The following VAT1L variants were observed in gnomAD, a reference collection of about 807,000 sequenced individuals.
The protein encoded by VAT1L is vesicle amine transport 1 like.
In VAT1L, 34 loss-of-function variants were observed where a neutral mutation model predicts 44.1. The observed-to-expected ratio is 0.77, with a 90% CI of 0.59 to 1.03. VAT1L has a LOEUF of 1.03. VAT1L is among the 50% of genes least tolerant of loss of function. The pLI is 0.00. For synonymous variants in VAT1L, 253 were observed against 202.2 expected, an observed-to-expected ratio of 1.25 and a Z score of -2.13; for missense variants, 615 against 538.8, an observed-to-expected ratio of 1.14 and a Z score of -1.40.
At chr16:77,909,312 T>G (rs1224581226) in intron 7 of VAT1L, among the ~76,000 whole-genome samples, 1 of 149,028 alleles carries the variant, frequency 6.7e-6, no homozygotes, top group Admixed American at 7.2e-5. Context: ...TCCTCTGCAC[T>G]TCTTTTCCTT....
chr16:77,909,865 C>T (rs1482362906), intron 7 of VAT1L, among the ~76,000 whole-genome samples: 1 of 152,124 alleles, frequency 6.6e-6, no homozygotes, highest in Non-Finnish European at 1.5e-5. Context: ...TGCATACATT[C>T]CTGCCCTTCA....
rs1309272720 is a variant in VAT1L at position 77,920,606 on chromosome 16, AATGAC to A, written c.1077+35807_1077+35811del. 9.8e-5 allele frequency among the ~76,000 whole-genome samples: 15 copies of A among 152,296 alleles called. No individual in the cohort carries two copies. In the South Asian group the frequency reaches 2.3e-3, roughly 23 times the overall value. Reference sequence around the variant, plus strand: ...GTGTGGATATAGTCATGCTCTGTATAATGACATTTCAGTCCACAGACGTTTGCTTA... The same window carrying A: ...GTGTGGATATAGTCATGCTCTGTATAATTTCAGTCCACAGACGTTTGCTTA... On this transcript the variant is annotated intron_variant, in intron 7 of 8. Transcript: ENST00000302536.
chr16:77,889,952 G>A (rs1450816565), intron 7 of VAT1L, among the ~76,000 whole-genome samples: 1 of 152,042 alleles, frequency 6.6e-6, no homozygotes, highest in East Asian at 1.9e-4. Context: ...GCCAGGCATG[G>A]TGGCAACGCC....
In VAT1L at chr16:77,970,489, A is replaced by G. The variant is rs367657206; in HGVS notation, c.1078-1361A>G. On this transcript the variant is annotated intron_variant, in intron 7 of 8. Coordinates refer to ENST00000302536, the MANE Select transcript of VAT1L (RefSeq NM_020927.3). ...GTCAGTTCTCATTTAGCAATATTAC[A>G]ACATTTAATTCTGCTATGTAGTCTT... 5.6e-4 allele frequency among the ~76,000 whole-genome samples: 86 copies of G among 152,350 alleles called. 1 individual carries two copies. The highest frequency in any genetic ancestry group is 2.0e-3 in the African/African-American group (82 of 41,586).
At chr16:77,959,601 T>C (rs59478517) in intron 7 of VAT1L, among the ~76,000 whole-genome samples, 13,466 of 152,276 alleles carry the variant, frequency 0.088, 692 homozygotes, top group African/African-American at 0.13. Flanking sequence ...TACACGGATA[T>C]GCTTATTATC....
Position 77,862,891 on chromosome 16 carries a change from G to A in VAT1L, c.722+1G>A, listed in dbSNP as rs371430712. The stretch of plus-strand genomic sequence containing the variant: ...CAGACTACGTGCAAGAAGTTAAAAG[G>A]TAAGATGTTTGCTTTTGAAAAAGCA... On this transcript the variant is annotated splice_donor_variant, in intron 4 of 8. Coordinates refer to ENST00000302536, the MANE Select transcript of VAT1L (RefSeq NM_020927.3). LOFTEE classifies it high-confidence loss of function. 11 of 1,613,800 alleles carry A rather than the reference G, an allele frequency of 6.8e-6. No individual in the cohort carries two copies. The highest frequency in any genetic ancestry group is 8.5e-6 in the Non-Finnish European group (10 of 1,179,860).
Position 77,943,077 on chromosome 16 carries a change from G to A in VAT1L, c.1078-28773G>A, listed in dbSNP as rs2017909954. Among the ~76,000 whole-genome samples the A allele has an allele frequency of 1.4e-5, 2 of 147,720 alleles. 1 individual carries two copies. Among genetic ancestry groups the A allele is most frequent in the South Asian group, 4.3e-4 (2 of 4,652 alleles). ...TATTCTTTTTTGTTTGTTTTTTTGA[G>A]ATGGAGTCTGCCTCTGTCGCCCAGG... On this transcript the variant is annotated intron_variant, in intron 7 of 8. Transcript: ENST00000302536.
At chr16:77,911,778 CCAGGGAGTGGGGT>C (rs2017502170) in intron 7 of VAT1L, among the ~76,000 whole-genome samples, 1 of 152,114 alleles carries the variant, frequency 6.6e-6, no homozygotes, top group Non-Finnish European at 1.5e-5. Flanking sequence ...AAGGGACTCC[CCAGGGAGTGGGGT>C]CAGCTGTCCT....
At chr16:77,813,507 G>T (rs1232640283) in intron 1 of VAT1L, among the ~76,000 whole-genome samples, 1 of 152,184 alleles carries the variant, frequency 6.6e-6, no homozygotes, top group Non-Finnish European at 1.5e-5. Context: ...ACCTCTCCAA[G>T]CCCAGAGACT....
chr16:77,972,872 G>C (rs1371995528), intron 8 of VAT1L, among the ~76,000 whole-genome samples: 1 of 151,612 alleles, frequency 6.6e-6, no homozygotes, highest in Non-Finnish European at 1.5e-5. Flanking sequence ...TATTTTTAGA[G>C]ACAGAATCTC....
chr16:77,790,139 G>A (rs891489064), intron 1 of VAT1L, among the ~76,000 whole-genome samples: 18 of 152,130 alleles, frequency 1.2e-4, no homozygotes, highest in Admixed American at 2.0e-4. Context: ...ACCACCTTGA[G>A]AACAGACGCA....
intron 1 of VAT1L, among the ~76,000 whole-genome samples, chr16:77,791,719 T>C (rs16946496): frequency 0.19 from 28,995 of 152,192 alleles, 3,257 homozygotes; most frequent in African/African-American, 0.3. Context: ...CTTTGCTCTT[T>C]TTGTGTCTGG....
At chr16:77,933,236 G>A (rs1318139280) in intron 7 of VAT1L, among the ~76,000 whole-genome samples, 3 of 152,072 alleles carry the variant, frequency 2.0e-5, no homozygotes, top group East Asian at 3.9e-4. Context: ...TCCCATTGTC[G>A]CCTAAGAAAA....
At chr16:77,869,039 C>G (rs2017003708) in intron 4 of VAT1L, among the ~76,000 whole-genome samples, 1 of 151,928 alleles carries the variant, frequency 6.6e-6, no homozygotes, top group African/African-American at 2.4e-5. Context: ...CAGTTAAGCA[C>G]TGTTCAGAAA....
In VAT1L at chr16:77,941,897, T is replaced by G. The variant is rs182240675; in HGVS notation, c.1078-29953T>G. Among the ~76,000 whole-genome samples, 353 of 152,286 alleles carry G rather than the reference T, an allele frequency of 2.3e-3. 1 individual carries two copies. The highest frequency in any genetic ancestry group is 8.2e-3 in the African/African-American group (342 of 41,564). ...AACCACCACACCCAGCCTGCCACAC[T>G]GCTTTGCACAATGGTTGAGCTAATT... On this transcript the variant is annotated intron_variant, in intron 7 of 8. Coordinates refer to ENST00000302536, the MANE Select transcript of VAT1L (RefSeq NM_020927.3).
At chr16:77,923,694 G>T (rs900318138) in intron 7 of VAT1L, among the ~76,000 whole-genome samples, 6 of 152,158 alleles carry the variant, frequency 3.9e-5, no homozygotes, top group Admixed American at 6.5e-5. Flanking sequence ...ATGGACAAAG[G>T]CTTCTCCCAA....
At chr16:77,806,366 C>G (rs1028088130) in intron 1 of VAT1L, among the ~76,000 whole-genome samples, 1 of 152,134 alleles carries the variant, frequency 6.6e-6, no homozygotes, top group Admixed American at 6.5e-5. Context: ...CCCACCACCA[C>G]GCCCGGCCAA....
At chr16:77,937,506 G>A (rs1472146221) in intron 7 of VAT1L, among the ~76,000 whole-genome samples, 2 of 152,186 alleles carry the variant, frequency 1.3e-5, no homozygotes, top group Admixed American at 6.5e-5. Context: ...CTCCCTTTGT[G>A]GCCGAGCTGT....
chr16:77,871,812 C>A (rs1350924068), intron 4 of VAT1L, among the ~76,000 whole-genome samples: 1 of 152,144 alleles, frequency 6.6e-6, no homozygotes, highest in Non-Finnish European at 1.5e-5. Context: ...GTGGCACACT[C>A]TCTTTGGAAG....
Sources: gnomAD v4.1 joint callset for allele counts (sites outside exome capture counted in the v4.1 genomes callset) on GRCh38, gnomAD v4.1.1 for gene constraint, MANE v1.5 for transcripts, NCBI Gene and HGNC (gene_info 2026-07-23, HGNC 2026-07-21) for gene names.